INTS10: variants seen among roughly 807,000 people sequenced by gnomAD.
INTS10 encodes chromosome 8 open reading frame 35.
A neutral mutation model predicts 94.4 loss-of-function variants in INTS10; 44 were observed. The ratio of observed to expected loss-of-function variants is 0.47; its 90% CI spans 0.37 to 0.60. INTS10 has a LOEUF of 0.60. Among genes scored for constraint, INTS10 ranks in the 20% least tolerant of loss-of-function variants. INTS10 has a pLI of 0.00. For missense variants in INTS10, 797 were observed against 868.7 expected (o/e 0.92, Z 1.04); for synonymous variants, 341 against 320.7 (o/e 1.06, Z -0.68).
intron 9 of INTS10, among the ~76,000 whole-genome samples, chr8:19,828,976 A>C (rs1198441148): frequency 6.6e-6 from 1 of 152,204 alleles, no homozygotes; most frequent in Non-Finnish European, 1.5e-5. Context: ...AACAGGGACT[A>C]GCAGGAAGAT....
intron 9 of INTS10, among the ~76,000 whole-genome samples, chr8:19,828,331 G>A (rs2066961646): frequency 2.4e-5 from 2 of 82,484 alleles, no homozygotes; most frequent in South Asian, 8.0e-4. Context: ...CACAACTGGA[G>A]TTGGGGGGTG....
rs1472119313 is a variant in INTS10, at chr8:19,823,296, A to G, written c.524-5A>G. 6.2e-6 allele frequency: 10 copies of G among 1,604,130 alleles called. No individual in the cohort carries two copies. The South Asian group carries it at 9.9e-5, about 16-fold the overall frequency. On this transcript the variant is annotated splice_region_variant and splice_polypyrimidine_tract_variant and intron_variant, in intron 5 of 16. Coordinates refer to ENST00000397977, the MANE Select transcript of INTS10 (RefSeq NM_018142.4). The stretch of plus-strand genomic sequence containing the variant: ...AATTTATTTCTTCTTTTTCTCCTCC[A>G]ACAGTTTGTGATGTCCTTCCTCTAA...
intron 12 of INTS10, among the ~76,000 whole-genome samples, chr8:19,834,415 A>C (rs55896328): frequency 6.6e-6 from 1 of 152,304 alleles, no homozygotes; most frequent in Non-Finnish European, 1.5e-5. Flanking sequence ...ACCATTATTT[A>C]TATAATTATC....
At chr8:19,845,873 C>T (rs2068538957) in intron 16 of INTS10, 76 bp downstream of exon 16, 1 of 939,758 alleles carries the variant, frequency 1.1e-6, no homozygotes. Context: ...TTGTAAATGT[C>T]TATACCTATC....
chr8:19,817,696 C>G, intron 1 of INTS10, 30 bp downstream of exon 1: 1 of 1,591,796 alleles, frequency 6.3e-7, no homozygotes, highest in South Asian at 1.1e-5. Context: ...TGCGGCCGCT[C>G]TGCGTGGAGG....
chr8:19,834,197 A>T (rs1036720649), intron 12 of INTS10, among the ~76,000 whole-genome samples: 1 of 152,180 alleles, frequency 6.6e-6, no homozygotes, highest in Non-Finnish European at 1.5e-5. Flanking sequence ...GTTGTTGTGT[A>T]TGCAAGGACT....
At chr8:19,839,773 A>C (rs2067973357) in intron 13 of INTS10, among the ~76,000 whole-genome samples, 1 of 152,036 alleles carries the variant, frequency 6.6e-6, no homozygotes, top group African/African-American at 2.4e-5. Flanking sequence ...ATCTCCACAA[A>C]TCCCCAAGGC....
chr8:19,827,194 A>G (rs2128766665), intron 9 of INTS10, among the ~76,000 whole-genome samples: 1 of 152,262 alleles, frequency 6.6e-6, no homozygotes, highest in East Asian at 1.9e-4. Context: ...CTGACCAGGC[A>G]GTACCCCGAG....
chr8:19,831,056 A>G (rs2067191863), intron 10 of INTS10, among the ~76,000 whole-genome samples: 1 of 152,208 alleles, frequency 6.6e-6, no homozygotes, highest in Non-Finnish European at 1.5e-5. Flanking sequence ...TCCTTTGAGT[A>G]TACTGGGTAT....
intron 12 of INTS10, among the ~76,000 whole-genome samples, 190 bp downstream of exon 12, chr8:19,833,511 T>TC (rs1183644490): frequency 6.6e-6 from 1 of 152,248 alleles, no homozygotes; most frequent in Non-Finnish European, 1.5e-5. Context: ...TACTACAGCT[T>TC]CCCTGAAATA....
rs2068855410 is a variant in INTS10, at chr8:19,849,584, C to G, written c.1977-2065C>G. Among the ~76,000 whole-genome samples, 3 of 152,074 alleles carry G rather than the reference C, an allele frequency of 2.0e-5. No individual in the cohort carries two copies. Among genetic ancestry groups the G allele is most frequent in the Non-Finnish European group, 1.5e-5 (1 of 68,022 alleles). Reference sequence around the variant, plus strand: ...TTTCGGTCATATATATTTAAGGATGCTGACGTTTATTTTAAGTACATTTTT... The same window carrying G: ...TTTCGGTCATATATATTTAAGGATGGTGACGTTTATTTTAAGTACATTTTT... On this transcript the variant is annotated intron_variant, in intron 16 of 16. Coordinates refer to ENST00000397977, the MANE Select transcript of INTS10 (RefSeq NM_018142.4). This position sits in a 1 kb window ranked among gnomAD's most constrained non-coding sequence, Gnocchi z 4.6.
chr8:19,837,011 A>G, intron 12 of INTS10, 41 bp from the exon 13 acceptor site: 1 of 1,285,986 alleles, frequency 7.8e-7, no homozygotes, highest in South Asian at 1.2e-5. Context: ...TTCAGTTCAG[A>G]AAGCTTCAAG....
At chr8:19,826,387 G>T in intron 8 of INTS10, 39 bp from the exon 9 acceptor site, 3 of 1,577,278 alleles carry the variant, frequency 1.9e-6, no homozygotes, top group Non-Finnish European at 1.7e-6. Flanking sequence ...TGGCCTCCTT[G>T]CTGCACTGGT....
intron 8 of INTS10, among the ~76,000 whole-genome samples, 161 bp downstream of exon 8, chr8:19,825,133 T>C (rs1054090512): frequency 6.6e-6 from 1 of 152,230 alleles, no homozygotes; most frequent in African/African-American, 2.4e-5. Flanking sequence ...TTTGGCTTAA[T>C]TGGTAGTTTT....
At chr8:19,835,752 G>A (rs539716515) in intron 12 of INTS10, among the ~76,000 whole-genome samples, 2 of 152,304 alleles carry the variant, frequency 1.3e-5, no homozygotes, top group South Asian at 2.1e-4. Context: ...GGCATAGGTG[G>A]GTTCTAGAGG....
intron 9 of INTS10, among the ~76,000 whole-genome samples, chr8:19,827,658 G>T (rs1030073578): frequency 1.3e-5 from 2 of 152,064 alleles, no homozygotes; most frequent in Admixed American, 6.5e-5. Context: ...CTGGTCCAGC[G>T]GTTCTTCCTT....
chr8:19,851,846 T>C lies in INTS10; in HGVS notation c.*41T>C, dbSNP rs1162787684. 1.3e-5 allele frequency: 20 copies of C among 1,584,618 alleles called. 1 individual carries two copies. Among genetic ancestry groups the C allele is most frequent in the Non-Finnish European group, 1.6e-5 (19 of 1,154,244 alleles). On this transcript the variant is annotated 3_prime_UTR_variant, in exon 17 of 17. Transcript: ENST00000397977. This position sits in a 1 kb window ranked among gnomAD's most constrained non-coding sequence, Gnocchi z 5.0. The stretch of plus-strand genomic sequence containing the variant: ...CCAGACACAGCTCGGGCCTGTGTAA[T>C]TGTAGGAGAAGACACTCAGCAGTGA...
chr8:19,817,480 G>C lies in INTS10; in HGVS notation c.-58G>C. The C allele has an allele frequency of 1.3e-6, 2 of 1,564,572 alleles. No homozygotes were observed. Among genetic ancestry groups the C allele is most frequent in the Non-Finnish European group, 1.7e-6 (2 of 1,158,212 alleles). On this transcript the variant is annotated 5_prime_UTR_variant, in exon 1 of 17. Transcript: ENST00000397977. ...CGGCGGTGGCTGCCGTGGCGGCTGA[G>C]AGTCCAGAGCCGGACGTTCCGGCCG...
At position 19,823,400 on chromosome 8, in the gene INTS10, A is replaced by G. The variant is rs371723527; in HGVS notation, c.623A>G (p.Asn208Ser). The G allele has an allele frequency of 9.0e-5, 144 of 1,606,472 alleles. No individual in the cohort carries two copies. Among genetic ancestry groups the G allele is most frequent in the Admixed American group, 1.8e-4 (11 of 59,990 alleles). Residue 208 changes from asparagine (N) to serine (S), a missense_variant, in exon 6 of 17, where the codon AAT becomes AGT. Physicochemically the swap from Asn to Ser is conservative, Grantham distance 46. Transcript: ENST00000397977. ...YLNKAAEFYINYVTRSTQIEN... is the reference protein window; with the variant it reads ...YLNKAAEFYISYVTRSTQIEN... ...AACAAAGCAGCTGAATTTTATATCA[A>G]TTATGTCACTAGGTCTACTCAAATA...
Sources: gnomAD v4.1 joint callset for allele counts (sites outside exome capture counted in the v4.1 genomes callset) on GRCh38, gnomAD v4.1.1 for gene constraint, Gnocchi (gnomAD v3.1) non-coding constraint, MANE v1.5 for transcripts, NCBI Gene and HGNC (gene_info 2026-07-23, HGNC 2026-07-21) for gene names.